The following CCSER1 variants were observed in gnomAD, a reference collection of about 807,000 sequenced individuals.
CCSER1 encodes serine-rich coiled-coil domain-containing protein 1.
In CCSER1, 41 loss-of-function variants were observed where a neutral mutation model predicts 82.0. The ratio of observed to expected loss-of-function variants is 0.50; its 90% CI spans 0.39 to 0.65. The LOEUF (loss-of-function observed/expected upper bound fraction) is 0.65. CCSER1 is among the 30% of genes least tolerant of loss of function. The pLI is 0.00. For missense variants in CCSER1, 1,119 were observed against 1,064.2 expected, an observed-to-expected ratio of 1.05 and a Z score of -0.72; for synonymous variants, 414 against 383.9, an observed-to-expected ratio of 1.08 and a Z score of -0.92.
At chr4:90,319,575 G>A (rs1160786135) in intron 3 of CCSER1, among the ~76,000 whole-genome samples, 2 of 152,082 alleles carry the variant, frequency 1.3e-5, no homozygotes, top group African/African-American at 4.8e-5. Flanking sequence ...TCCCTTGAAT[G>A]TGGGAGGCAG....
intron 10 of CCSER1, among the ~76,000 whole-genome samples, chr4:91,282,808 A>T (rs1018532954): frequency 3.5e-4 from 53 of 152,256 alleles, no homozygotes; most frequent in African/African-American, 1.3e-3. Flanking sequence ...CCACCACTTT[A>T]ACTATTTAGC....
At chr4:91,088,853 T>C (rs1408183707) in intron 10 of CCSER1, among the ~76,000 whole-genome samples, 1 of 152,092 alleles carries the variant, frequency 6.6e-6, no homozygotes, top group African/African-American at 2.4e-5. Context: ...CATAGATAAG[T>C]CATTTTTTTT....
At chr4:90,181,140 C>T (rs576939718) in intron 1 of CCSER1, among the ~76,000 whole-genome samples, 2 of 152,202 alleles carry the variant, frequency 1.3e-5, no homozygotes, top group African/African-American at 4.8e-5. Flanking sequence ...ACAAAATGAT[C>T]TGTACACCAA....
At chr4:90,903,125 A>G (rs1411039930) in intron 8 of CCSER1, among the ~76,000 whole-genome samples, 2 of 152,138 alleles carry the variant, frequency 1.3e-5, no homozygotes, top group African/African-American at 4.8e-5. Context: ...ATAAATTCAA[A>G]GAAATCAAAA....
chr4:91,331,199 G>T (rs958405515), intron 10 of CCSER1, among the ~76,000 whole-genome samples: 2 of 152,042 alleles, frequency 1.3e-5, no homozygotes, highest in Non-Finnish European at 2.9e-5. Flanking sequence ...TAGGACAATG[G>T]CATACAGAGG....
chr4:90,641,451 C>G (rs556743789), intron 6 of CCSER1, among the ~76,000 whole-genome samples: 1 of 152,208 alleles, frequency 6.6e-6, no homozygotes, highest in African/African-American at 2.4e-5. Flanking sequence ...AATATATTTT[C>G]TTACATTTTT....
chr4:90,800,610 A>G (rs903141346), intron 7 of CCSER1, among the ~76,000 whole-genome samples: 3 of 152,232 alleles, frequency 2.0e-5, no homozygotes, highest in Non-Finnish European at 2.9e-5. Flanking sequence ...CCAGTGAGAC[A>G]GTGTAAGTTA....
intron 10 of CCSER1, among the ~76,000 whole-genome samples, chr4:91,186,612 G>T (rs1049990631): frequency 1.3e-5 from 2 of 152,116 alleles, no homozygotes; most frequent in African/African-American, 4.8e-5. Context: ...GGGAAATCAG[G>T]GGTCTCACAA....
In CCSER1 at chr4:91,086,430, A is replaced by G. The variant is rs74981270; in HGVS notation, c.2217+436A>G. Among the ~76,000 whole-genome samples the G allele has an allele frequency of 2.5e-4, 38 of 152,208 alleles. No homozygotes were observed. The East Asian group carries it at 6.4e-3, about 26-fold the overall frequency. On this transcript the variant is annotated intron_variant, in intron 10 of 10. Transcript: ENST00000509176. ...GGCATATGCTACTAGGTTGGTATGC[A>G]TTATTAGAGAGTATGAAGTTGCTCT...
intron 8 of CCSER1, among the ~76,000 whole-genome samples, chr4:90,876,376 A>C (rs1296597925): frequency 6.6e-6 from 1 of 152,142 alleles, no homozygotes; most frequent in Non-Finnish European, 1.5e-5. Flanking sequence ...TCTGTTAGTT[A>C]AGATCAGAAA....
intron 5 of CCSER1, among the ~76,000 whole-genome samples, chr4:90,503,882 A>G (rs1169261568): frequency 2.0e-5 from 3 of 152,106 alleles, no homozygotes; most frequent in Non-Finnish European, 4.4e-5. Context: ...TAGATCATCT[A>G]TGACATGCTT....
At chr4:90,941,092 A>G (rs1731528416) in intron 9 of CCSER1, among the ~76,000 whole-genome samples, 1 of 152,144 alleles carries the variant, frequency 6.6e-6, no homozygotes, top group East Asian at 1.9e-4. Flanking sequence ...AATGCTACCT[A>G]CTATGCCTAA....
At position 90,602,631 on chromosome 4, in the gene CCSER1, A is replaced by C. The variant is rs138553902; in HGVS notation, c.1725-25394A>C. On this transcript the variant is annotated intron_variant, in intron 5 of 10. Transcript: ENST00000509176. Reference sequence around the variant, plus strand: ...TTCCACATTTTCATGGATTTGACCAATAAAGAATAAGCCCAAGTGGATTTA... The same window carrying C: ...TTCCACATTTTCATGGATTTGACCACTAAAGAATAAGCCCAAGTGGATTTA... 1.7e-3 allele frequency among the ~76,000 whole-genome samples: 263 copies of C among 152,308 alleles called. 2 individuals are homozygous for C. The highest frequency in any genetic ancestry group is 6.1e-3 in the African/African-American group (253 of 41,560).
intron 10 of CCSER1, among the ~76,000 whole-genome samples, chr4:91,425,145 G>A (rs1753898021): frequency 6.6e-6 from 1 of 152,038 alleles, no homozygotes; most frequent in Non-Finnish European, 1.5e-5. Flanking sequence ...AAAAGCGACA[G>A]CATGAATTTT....
intron 9 of CCSER1, among the ~76,000 whole-genome samples, chr4:90,949,618 A>G (rs1732667819): frequency 6.6e-6 from 1 of 152,130 alleles, no homozygotes; most frequent in Non-Finnish European, 1.5e-5. Context: ...AATAAGTGCC[A>G]TGTCCTTCAT....
At chr4:91,014,799 T>C (rs1453718844) in intron 9 of CCSER1, among the ~76,000 whole-genome samples, 1 of 152,204 alleles carries the variant, frequency 6.6e-6, no homozygotes, top group Non-Finnish European at 1.5e-5. Flanking sequence ...TGTAAAGGCA[T>C]ACTGTAATAT....
chr4:90,531,704 A>G (rs1179562702), intron 5 of CCSER1, among the ~76,000 whole-genome samples: 3 of 152,214 alleles, frequency 2.0e-5, no homozygotes, highest in Non-Finnish European at 4.4e-5. Flanking sequence ...ACCCAAATGT[A>G]TAATATTGTT....
chr4:90,969,711 T>C (rs1414822833), intron 9 of CCSER1, among the ~76,000 whole-genome samples: 3 of 151,936 alleles, frequency 2.0e-5, no homozygotes, highest in African/African-American at 7.3e-5. Flanking sequence ...AATATGCTGT[T>C]TGGTAAGAGG....
chr4:90,794,000 T>C (rs1755635731), intron 7 of CCSER1, among the ~76,000 whole-genome samples: 1 of 152,206 alleles, frequency 6.6e-6, no homozygotes, highest in African/African-American at 2.4e-5. Flanking sequence ...TTTGTACACT[T>C]TTTAATGGGG....
Sources: allele counts gnomAD v4.1 joint callset (sites outside exome capture counted in the v4.1 genomes callset), GRCh38; gene constraint gnomAD v4.1.1; transcripts MANE v1.5; gene names NCBI Gene and HGNC (gene_info 2026-07-23, HGNC 2026-07-21).